Variants in MIS18A observed in about 807,000 individuals in gnomAD.
MIS18A encodes MIS18 kinetochore protein A, also known as protein Mis18-alpha.
Under a neutral mutation model 25.0 loss-of-function variants are expected in MIS18A, and 14 were observed. That is an observed-to-expected ratio of 0.56 (90% CI 0.37 to 0.88). The LOEUF is 0.88. Ranked by LOEUF, MIS18A falls within the 40% of genes least tolerant of loss-of-function variation. The pLI is 0.00. For missense variants in MIS18A, 292 were observed against 290.8 expected (o/e 1.00, Z -0.03); for synonymous variants, 134 against 118.6 (o/e 1.13, Z -0.84).
At chr21:32,271,657 G>A (rs1382389948) in intron 2 of MIS18A, among the ~76,000 whole-genome samples, 1 of 152,066 alleles carries the variant, frequency 6.6e-6, no homozygotes, top group African/African-American at 2.4e-5. Context: ...TGTTGCCCAG[G>A]CTGGTCTCGA....
the MIS18A span, among the ~76,000 whole-genome samples, chr21:32,231,046 C>CTGGTATTTGAAA: frequency 4.0e-5 from 6 of 151,730 alleles, no homozygotes; most frequent in African/African-American, 1.5e-4. Flanking sequence ...ACCAGCCTGG[C>CTGGTATTTGAAA]CAACACAGTG....
At chr21:32,269,471 A>G (rs1216872172) in intron 4 of MIS18A, 1 of 469,514 alleles carries the variant, frequency 2.1e-6, no homozygotes, top group Non-Finnish European at 3.8e-6. Flanking sequence ...CTAGCTTTGC[A>G]GTGTTTTAAT....
At chr21:32,240,221 A>G in the MIS18A span, among the ~76,000 whole-genome samples, 1 of 152,232 alleles carries the variant, frequency 6.6e-6, no homozygotes, top group Admixed American at 6.5e-5. Context: ...TTAAATTCAT[A>G]CGTTAAAACC....
chr21:32,176,459 T>A, the MIS18A span, among the ~76,000 whole-genome samples: 1 of 152,312 alleles, frequency 6.6e-6, no homozygotes, highest in Non-Finnish European at 1.5e-5. Flanking sequence ...TAAAAATCCC[T>A]AGGAAATCTT....
At chr21:32,266,490 C>T (rs575067524), downstream of MIS18A, among the ~76,000 whole-genome samples, 5 of 152,324 alleles carry the variant, frequency 3.3e-5, no homozygotes, top group African/African-American at 9.6e-5. Context: ...TTTGGGTCCA[C>T]GCTGCTTTTA....
At chr21:32,156,194 G>T in the MIS18A span, among the ~76,000 whole-genome samples, 1 of 152,140 alleles carries the variant, frequency 6.6e-6, no homozygotes, top group Admixed American at 6.5e-5. Context: ...ATTAGGCATT[G>T]TGGAATTTAG....
the MIS18A span, among the ~76,000 whole-genome samples, chr21:32,185,027 G>A: frequency 6.6e-6 from 1 of 152,046 alleles, no homozygotes; most frequent in African/African-American, 2.4e-5. Context: ...CTCAAAGGCT[G>A]CTTAAAGCAT....
chr21:32,265,360 G>A (rs1022713284), downstream of MIS18A, among the ~76,000 whole-genome samples: 5 of 152,248 alleles, frequency 3.3e-5, no homozygotes, highest in South Asian at 2.1e-4. Context: ...CTGGGGCTGC[G>A]TGTGGCGCTT....
chr21:32,160,080 G>A, the MIS18A span, among the ~76,000 whole-genome samples: 43 of 152,302 alleles, frequency 2.8e-4, no homozygotes, highest in African/African-American at 1.0e-3. Context: ...GGTATGGCAA[G>A]GAAATACATT....
At chr21:32,220,312 C>T in the MIS18A span, among the ~76,000 whole-genome samples, 1 of 152,326 alleles carries the variant, frequency 6.6e-6, no homozygotes, top group East Asian at 1.9e-4. Context: ...TCTGCAGCCT[C>T]CACTGGTGAT....
intron 2 of MIS18A, 30 bp downstream of exon 2, chr21:32,274,800 A>C: frequency 6.5e-7 from 1 of 1,547,568 alleles, no homozygotes; most frequent in Non-Finnish European, 8.9e-7. Flanking sequence ...AAATTCTCTA[A>C]CATATTCATA....
the MIS18A span, among the ~76,000 whole-genome samples, chr21:32,159,296 A>G: frequency 6.6e-6 from 1 of 152,198 alleles, no homozygotes; most frequent in Non-Finnish European, 1.5e-5. Context: ...AAACTGTGAG[A>G]GCCAATATTT....
chr21:32,242,046 A>AT, the MIS18A span, among the ~76,000 whole-genome samples: 2 of 152,008 alleles, frequency 1.3e-5, no homozygotes, highest in Non-Finnish European at 2.9e-5. Flanking sequence ...GCCCGGCTAT[A>AT]TTTTTGTGTG....
the MIS18A span, among the ~76,000 whole-genome samples, chr21:32,162,363 G>A: frequency 2.6e-5 from 4 of 152,266 alleles, no homozygotes; most frequent in African/African-American, 4.8e-5. Context: ...GGCGCGCTGC[G>A]TCGAGGATCT....
chr21:32,170,853 C>A, the MIS18A span, among the ~76,000 whole-genome samples: 4 of 151,932 alleles, frequency 2.6e-5, no homozygotes, highest in East Asian at 5.8e-4. Flanking sequence ...ACATAATATA[C>A]AATATTCATA....
chr21:32,188,350 T>A, the MIS18A span, among the ~76,000 whole-genome samples: 1 of 152,224 alleles, frequency 6.6e-6, no homozygotes, highest in Admixed American at 6.5e-5. Flanking sequence ...TTCTCCAAGC[T>A]CATTTCCCAC....
chr21:32,262,189 G>C, the MIS18A span, among the ~76,000 whole-genome samples: 1 of 152,192 alleles, frequency 6.6e-6, no homozygotes, highest in Non-Finnish European at 1.5e-5. Flanking sequence ...TGAGAATGAG[G>C]TAGTAACATA....
chr21:32,161,748 T>A, the MIS18A span, among the ~76,000 whole-genome samples: 8 of 149,226 alleles, frequency 5.4e-5, no homozygotes, highest in South Asian at 6.5e-4. Context: ...CACCTTGGCC[T>A]CCCAAAGTGC....
the MIS18A span, among the ~76,000 whole-genome samples, chr21:32,165,919 A>G: frequency 6.6e-6 from 1 of 152,202 alleles, no homozygotes; most frequent in East Asian, 1.9e-4. Flanking sequence ...AATGATAAAC[A>G]AGACCAATAA....
Sources: gnomAD v4.1 joint callset for allele counts (sites outside exome capture counted in the v4.1 genomes callset) on GRCh38, gnomAD v4.1.1 for gene constraint, MANE v1.5 for transcripts, NCBI Gene and HGNC (gene_info 2026-07-23, HGNC 2026-07-21) for gene names.